The following ROR1 variants were observed in gnomAD, a reference collection of about 807,000 sequenced individuals.
ROR1 encodes inactive tyrosine-protein kinase transmembrane receptor ROR1.
ROR1 carries 19 observed loss-of-function variants against 78.8 expected under a neutral mutation model. The observed-to-expected ratio is 0.24, with a 90% CI of 0.17 to 0.35. The LOEUF is 0.35. ROR1 is among the 10% of genes least tolerant of loss of function. The pLI is 1.00. For missense variants in ROR1, 917 were observed against 1,177.8 expected (o/e 0.78, Z 3.24); for synonymous variants, 386 against 433.6 (o/e 0.89, Z 1.36).
chr1:64,099,209 A>G (rs1031680077), intron 4 of ROR1, among the ~76,000 whole-genome samples: 1 of 152,156 alleles, frequency 6.6e-6, no homozygotes, highest in Non-Finnish European at 1.5e-5. Context: ...GGCAGGCAAG[A>G]CTGTTAATAC....
At chr1:64,167,904 T>G (rs1181551935) in intron 8 of ROR1, among the ~76,000 whole-genome samples, 1 of 152,212 alleles carries the variant, frequency 6.6e-6, no homozygotes, top group Admixed American at 6.5e-5. Flanking sequence ...GCTTTTAAAA[T>G]GTAGAGTCCT....
intron 4 of ROR1, among the ~76,000 whole-genome samples, chr1:64,123,239 A>G (rs959974422): frequency 2.6e-5 from 4 of 152,192 alleles, no homozygotes; most frequent in Non-Finnish European, 2.9e-5. Context: ...TATTCCAAGC[A>G]TAGTTTGGTG....
intron 1 of ROR1, among the ~76,000 whole-genome samples, chr1:63,798,287 A>G (rs1269183189): frequency 6.6e-6 from 1 of 152,136 alleles, no homozygotes; most frequent in East Asian, 1.9e-4. Flanking sequence ...GGAAATTGGA[A>G]TTCTTGATAT....
intron 1 of ROR1, among the ~76,000 whole-genome samples, chr1:63,934,131 C>T (rs1254904028): frequency 6.6e-6 from 1 of 152,102 alleles, no homozygotes; most frequent in African/African-American, 2.4e-5. Context: ...TGGTAAATCC[C>T]CTATGGTGAA....
intron 1 of ROR1, among the ~76,000 whole-genome samples, chr1:63,994,900 G>A (rs1470690704): frequency 6.6e-6 from 1 of 152,234 alleles, no homozygotes. Flanking sequence ...GGTCGTTCCT[G>A]TTCATTGCAG....
chr1:63,994,923 G>A (rs1293098469), intron 1 of ROR1, among the ~76,000 whole-genome samples: 5 of 152,200 alleles, frequency 3.3e-5, no homozygotes, highest in Non-Finnish European at 7.3e-5. Flanking sequence ...GACTGGAAAG[G>A]CCTCCTGAAA....
At chr1:63,945,404 A>C (rs1645876354) in intron 1 of ROR1, among the ~76,000 whole-genome samples, 1 of 152,008 alleles carries the variant, frequency 6.6e-6, no homozygotes, top group South Asian at 2.1e-4. Context: ...AGTCCATTTC[A>C]TTTCTTTCAT....
At chr1:64,009,722 C>A (rs936974859) in intron 2 of ROR1, among the ~76,000 whole-genome samples, 1 of 152,148 alleles carries the variant, frequency 6.6e-6, no homozygotes, top group African/African-American at 2.4e-5. Context: ...CAGGATTCAT[C>A]AGAGCTGTTT....
chr1:64,160,872 C>T (rs770474723), intron 8 of ROR1, among the ~76,000 whole-genome samples: 12 of 152,140 alleles, frequency 7.9e-5, no homozygotes, highest in East Asian at 1.9e-4. Context: ...TTACAGCAGA[C>T]GGCAGTTTGG....
Position 64,120,026 on chromosome 1 carries a change from G to T in ROR1, c.483-17343G>T, listed in dbSNP as rs1648470821. Among the ~76,000 whole-genome samples the T allele has an allele frequency of 2.6e-5, 4 of 152,306 alleles. No homozygotes were observed. In the South Asian group the frequency reaches 8.3e-4, roughly 32 times the overall value. ...TGTGTGTATTGTGGCAGTCCAGTCA[G>T]GAAATGGTGTGTTATTTTTGAGAAG... On this transcript the variant is annotated intron_variant, in intron 4 of 8. Transcript: ENST00000371079.
rs369331245 is a variant in ROR1, at chr1:63,851,244, C to T, written c.91+76736C>T. Reference sequence around the variant, plus strand: ...CCGCTAGCCTCGGCCTCCTAAAGTACTGGGATTACAGGCGTGAGCCACTGC... The same window carrying T: ...CCGCTAGCCTCGGCCTCCTAAAGTATTGGGATTACAGGCGTGAGCCACTGC... On this transcript the variant is annotated intron_variant, in intron 1 of 8. Transcript: ENST00000371079. 3.2e-4 allele frequency among the ~76,000 whole-genome samples: 49 copies of T among 152,294 alleles called. No homozygotes were observed. The South Asian group carries it at 1.0e-2, about 31-fold the overall frequency.
chr1:64,055,586 C>A (rs2100598636), intron 4 of ROR1, among the ~76,000 whole-genome samples: 1 of 152,362 alleles, frequency 6.6e-6, no homozygotes, highest in South Asian at 2.1e-4. Flanking sequence ...TGCGAGCACT[C>A]ATTGCCAGAT....
chr1:63,843,479 G>T, intron 1 of ROR1: 3 of 764,776 alleles, frequency 3.9e-6, no homozygotes, highest in Admixed American at 3.5e-5. Context: ...TCCTGACAAA[G>T]GTGGTGTAGG....
rs1645547221 is a variant in ROR1 at position 63,908,821 on chromosome 1, C to T, written c.92-100484C>T. 3.3e-5 allele frequency among the ~76,000 whole-genome samples: 5 copies of T among 152,334 alleles called. No homozygotes were observed. In the South Asian group the frequency reaches 1.0e-3, roughly 32 times the overall value. ...GAACCCAGCAGTGCCAGCAGCCAGG[C>T]CTGATCCGGCCCCTACCATGAAAGC... On this transcript the variant is annotated intron_variant, in intron 1 of 8. Transcript: ENST00000371079.
intron 1 of ROR1, among the ~76,000 whole-genome samples, chr1:63,805,149 C>T (rs115125356): frequency 8.0e-4 from 122 of 152,218 alleles, no homozygotes; most frequent in African/African-American, 2.8e-3. Context: ...GAAAAGGGCC[C>T]AAATGGAGCC....
chr1:63,933,431 G>A (rs1645769680), intron 1 of ROR1, among the ~76,000 whole-genome samples: 1 of 152,194 alleles, frequency 6.6e-6, no homozygotes, highest in Non-Finnish European at 1.5e-5. Context: ...TAGCCCAGTA[G>A]GAGTATGAAA....
chr1:64,140,900 C>A (rs1187477372), intron 6 of ROR1, among the ~76,000 whole-genome samples: 1 of 152,138 alleles, frequency 6.6e-6, no homozygotes, highest in African/African-American at 2.4e-5. Context: ...GTGCTACAAA[C>A]CTGGATGAAC....
intron 1 of ROR1, among the ~76,000 whole-genome samples, chr1:63,836,738 C>T (rs1177888607): frequency 1.3e-5 from 2 of 152,188 alleles, no homozygotes; most frequent in East Asian, 3.8e-4. Context: ...CACTGCCAAA[C>T]AAAAACACCC....
chr1:63,835,451 G>A (rs75433412), intron 1 of ROR1, among the ~76,000 whole-genome samples: 3,087 of 152,270 alleles, frequency 0.02, 106 homozygotes, highest in African/African-American at 0.068. Flanking sequence ...CCCAGGGGCT[G>A]CAGAGATGAG....
Sources: gnomAD v4.1 joint callset for allele counts (sites outside exome capture counted in the v4.1 genomes callset) on GRCh38, gnomAD v4.1.1 for gene constraint, MANE v1.5 for transcripts, NCBI Gene and HGNC (gene_info 2026-07-23, HGNC 2026-07-21) for gene names.